The following LRMDA variants were observed in gnomAD, a reference collection of about 807,000 sequenced individuals.
LRMDA encodes the protein leucine rich melanocyte differentiation associated.
LRMDA carries 18 observed loss-of-function variants against 29.8 expected under a neutral mutation model. The observed-to-expected ratio is 0.60, with a 90% CI of 0.42 to 0.90. LRMDA has a LOEUF of 0.90. Among genes scored for constraint, LRMDA ranks in the 40% least tolerant of loss-of-function variants. The pLI is 0.00. For missense variants in LRMDA, 273 were observed against 273.9 expected (o/e 1.00, Z 0.02); for synonymous variants, 125 against 109.4 (o/e 1.14, Z -0.89).
intron 5 of LRMDA, among the ~76,000 whole-genome samples, chr10:76,130,618 A>C (rs1849973039): frequency 6.6e-6 from 1 of 152,148 alleles, no homozygotes; most frequent in Non-Finnish European, 1.5e-5. Context: ...CTATTGTGAT[A>C]ATCTATCCTG....
At chr10:76,134,320 A>G (rs774793097) in intron 5 of LRMDA, among the ~76,000 whole-genome samples, 12 of 152,228 alleles carry the variant, frequency 7.9e-5, no homozygotes, top group Non-Finnish European at 1.5e-4. Flanking sequence ...ATTTCAAGCC[A>G]TGTTCCCAAG....
At chr10:76,321,715 C>G (rs1452367997) in intron 5 of LRMDA, among the ~76,000 whole-genome samples, 1 of 152,160 alleles carries the variant, frequency 6.6e-6, no homozygotes, top group African/African-American at 2.4e-5. Flanking sequence ...GAGGTCGAGG[C>G]AGGTGGATCA....
At chr10:75,622,783 T>A (rs1841204480) in intron 2 of LRMDA, among the ~76,000 whole-genome samples, 1 of 152,230 alleles carries the variant, frequency 6.6e-6, no homozygotes. Flanking sequence ...TCTAATGCTG[T>A]GTAATTATTA....
At chr10:76,404,602 C>T (rs1272997676) in intron 6 of LRMDA, among the ~76,000 whole-genome samples, 1 of 152,148 alleles carries the variant, frequency 6.6e-6, no homozygotes, top group Non-Finnish European at 1.5e-5. Flanking sequence ...CAGTCTGTTC[C>T]CTTGCTATAT....
chr10:75,809,976 C>T (rs961690697), intron 2 of LRMDA, among the ~76,000 whole-genome samples: 2 of 152,084 alleles, frequency 1.3e-5, no homozygotes, highest in African/African-American at 4.8e-5. Flanking sequence ...GTGCAGGGGG[C>T]CTTGTGTGGC....
chr10:75,475,146 C>A (rs1844774529), intron 2 of LRMDA, among the ~76,000 whole-genome samples: 1 of 152,140 alleles, frequency 6.6e-6, no homozygotes, highest in Non-Finnish European at 1.5e-5. Flanking sequence ...TCTGATGGGG[C>A]CTGATGCTGC....
intron 2 of LRMDA, among the ~76,000 whole-genome samples, chr10:75,458,453 T>C (rs1046328520): frequency 7.8e-6 from 1 of 128,874 alleles, no homozygotes; most frequent in Non-Finnish European, 1.8e-5. Flanking sequence ...AATTCAATTA[T>C]GTTTTAAAAG....
intron 2 of LRMDA, among the ~76,000 whole-genome samples, chr10:75,958,741 T>C (rs980740075): frequency 1.3e-5 from 2 of 152,230 alleles, no homozygotes; most frequent in African/African-American, 4.8e-5. Flanking sequence ...CGTTTTCACA[T>C]TGCTGATAAA....
rs5786180 is a variant in LRMDA, at chr10:75,607,824, G to GTT, written c.131+169354_131+169355dup. On this transcript the variant is annotated intron_variant, in intron 2 of 6. Coordinates refer to ENST00000611255, the MANE Select transcript of LRMDA (RefSeq NM_001305581.2). ...CACTCCTGGAGATTTTGATTCAGTG[G>GTT]TTTTTTTTTTTTTTTTTTTTTTTTT... Among the ~76,000 whole-genome samples, 459 of 72,192 alleles carry GTT rather than the reference G, an allele frequency of 6.4e-3. 3 individuals carry two copies. Among genetic ancestry groups the GTT allele is most frequent in the African/African-American group, 0.019 (351 of 18,584 alleles). 47.4% of individuals were successfully genotyped at this position (72,192 alleles called of 152,430 possible).
chr10:75,853,261 A>G (rs773974831), intron 2 of LRMDA, among the ~76,000 whole-genome samples: 6 of 152,294 alleles, frequency 3.9e-5, no homozygotes, highest in Admixed American at 2.0e-4. Context: ...ACTTCCTATC[A>G]TCTGCTGCAG....
At chr10:76,170,158 T>C (rs1362539411) in intron 5 of LRMDA, among the ~76,000 whole-genome samples, 1 of 152,190 alleles carries the variant, frequency 6.6e-6, no homozygotes, top group East Asian at 1.9e-4. Context: ...GCTGGAAAAG[T>C]AGGAACAGTC....
At chr10:75,493,191 A>G (rs952541215) in intron 2 of LRMDA, among the ~76,000 whole-genome samples, 2 of 152,150 alleles carry the variant, frequency 1.3e-5, no homozygotes, top group African/African-American at 2.4e-5. Context: ...TTAAAACTTT[A>G]TCACCAAAAT....
At chr10:75,750,274 C>A (rs1433407979) in intron 2 of LRMDA, among the ~76,000 whole-genome samples, 3 of 148,966 alleles carry the variant, frequency 2.0e-5, no homozygotes, top group East Asian at 2.0e-4. Context: ...TCCCTCCCCG[C>A]CGGGGCGGCT....
chr10:75,639,152 C>T (rs1413456274), intron 2 of LRMDA, among the ~76,000 whole-genome samples: 3 of 152,120 alleles, frequency 2.0e-5, no homozygotes, highest in Non-Finnish European at 4.4e-5. Context: ...TTTTGCGTTC[C>T]CCACCTGTGA....
chr10:75,446,363 A>AGAT (rs1844396993), intron 2 of LRMDA, among the ~76,000 whole-genome samples: 1 of 152,228 alleles, frequency 6.6e-6, no homozygotes, highest in African/African-American at 2.4e-5. Flanking sequence ...AGCGCTTAGA[A>AGAT]GATGGTGCTA....
intron 5 of LRMDA, among the ~76,000 whole-genome samples, chr10:76,160,486 A>G (rs930752707): frequency 6.6e-5 from 10 of 152,030 alleles, no homozygotes; most frequent in Non-Finnish European, 1.5e-4. Context: ...GGAAGAAATT[A>G]TTTGATGTCT....
intron 2 of LRMDA, among the ~76,000 whole-genome samples, chr10:75,629,752 G>A (rs1391582522): frequency 6.6e-6 from 1 of 152,198 alleles, no homozygotes; most frequent in Non-Finnish European, 1.5e-5. Flanking sequence ...TATCAGAGCA[G>A]CATATTGATT....
intron 6 of LRMDA, among the ~76,000 whole-genome samples, chr10:76,344,901 T>TG (rs1317088709): frequency 1.6e-5 from 2 of 126,574 alleles, no homozygotes; most frequent in Non-Finnish European, 3.4e-5. Context: ...AAATTTTAAG[T>TG]GAAAAAAAAA....
chr10:76,505,193 T>C (rs116845488), intron 6 of LRMDA, among the ~76,000 whole-genome samples: 1 of 152,116 alleles, frequency 6.6e-6, no homozygotes, highest in East Asian at 1.9e-4. Flanking sequence ...TTGATGGGAT[T>C]CCCTTTGTAA....
Sources: gnomAD v4.1 joint callset for allele counts (sites outside exome capture counted in the v4.1 genomes callset) on GRCh38, gnomAD v4.1.1 for gene constraint, MANE v1.5 for transcripts, NCBI Gene and HGNC (gene_info 2026-07-23, HGNC 2026-07-21) for gene names.